CRB2: variants seen among roughly 807,000 people sequenced by gnomAD.
CRB2 encodes the protein protein crumbs homolog 2.
A neutral mutation model predicts 110.9 loss-of-function variants in CRB2; 85 were observed. That is an observed-to-expected ratio of 0.77 (90% CI 0.64 to 0.92). CRB2 has a LOEUF of 0.92. Ranked by LOEUF, CRB2 falls within the 40% of genes least tolerant of loss-of-function variation. The pLI, the probability that CRB2 is intolerant of heterozygous loss-of-function variation, is 0.00. For synonymous variants in CRB2, 907 were observed against 831.0 expected, an observed-to-expected ratio of 1.09 and a Z score of -1.57; for missense variants, 1,843 against 1,851.3, an observed-to-expected ratio of 1.00 and a Z score of 0.08.
intron 1 of CRB2, among the ~76,000 whole-genome samples, chr9:123,359,533 C>T (rs2041843249): frequency 2.0e-5 from 3 of 148,652 alleles, no homozygotes; most frequent in Admixed American, 6.8e-5. Flanking sequence ...ACTGTAGCCT[C>T]GACACCCTGG....
At position 123,356,287 on chromosome 9, in the gene CRB2, G is replaced by A. The variant is rs1230905987; in HGVS notation, c.27G>A (p.Pro9=). 6 of 1,537,338 alleles carry A rather than the reference G, an allele frequency of 3.9e-6. No individual in the cohort carries two copies. The highest frequency in any genetic ancestry group is 2.5e-5 in the East Asian group (1 of 40,390). The stretch of plus-strand genomic sequence containing the variant: ...TGGCGCTGGCCAGGCCTGGGACCCC[G>A]GACCCCCAGGCCCTGGCCTCTGTCC... MALARPGT[P]DPQALASVLL... The change falls in exon 1 of 13, where the codon CCG becomes CCA. Residue 9 remains proline, a synonymous_variant. Transcript: ENST00000373631.
intron 2 of CRB2, 137 bp from the exon 3 acceptor site, chr9:123,365,780 C>A: frequency 1.2e-6 from 1 of 809,736 alleles, no homozygotes; most frequent in East Asian, 3.3e-5. Flanking sequence ...TCCCCCACCC[C>A]CCAACCACCA....
intron 12 of CRB2, 32 bp from the exon 13 acceptor site, chr9:123,376,806 G>A (rs746316073): frequency 1.5e-5 from 23 of 1,575,198 alleles, no homozygotes; most frequent in African/African-American, 2.7e-5. Flanking sequence ...CCTTCTCTGC[G>A]GTCTTAGGCC....
intron 4 of CRB2, among the ~76,000 whole-genome samples, chr9:123,366,807 C>T (rs573005872): frequency 2.0e-5 from 3 of 152,058 alleles, no homozygotes; most frequent in South Asian, 4.2e-4. Context: ...AAAAATTAGC[C>T]AAGCATGGTG....
Position 123,356,317 on chromosome 9 carries a change from A to C in CRB2, c.57A>C (p.Leu19=). The change falls in exon 1 of 13, where the codon CTA becomes CTC. Residue 19 remains leucine (L), a synonymous_variant. Transcript: ENST00000373631. ...CCCAGGCCCTGGCCTCTGTCCTGCT[A>C]CTGCTGCTCTGGGCCCCTGCCCTTT... The part of the protein sequence containing the change: ...PDPQALASVL[L]LLLWAPALSL... 1.3e-6 allele frequency: 2 copies of C among 1,547,292 alleles called. No homozygotes were observed. The highest frequency in any genetic ancestry group is 3.9e-5 in the Admixed American group (2 of 50,744).
upstream of CRB2, among the ~76,000 whole-genome samples, chr9:123,355,668 G>T (rs1283798641): frequency 2.0e-5 from 3 of 147,214 alleles, no homozygotes; most frequent in Admixed American, 2.0e-4. Context: ...TGGGGAGGGG[G>T]CGTTGGGCTG....
chr9:123,374,155 G>T (rs2042066846), intron 10 of CRB2: 3 of 682,370 alleles, frequency 4.4e-6, no homozygotes, highest in South Asian at 3.5e-5. Flanking sequence ...GCTGGGAGCC[G>T]CCTGCCGCTT....
chr9:123,368,210 G>T lies in CRB2; in HGVS notation c.1054+524G>T, dbSNP rs183964533. ...TGCCTGCGACACCTCCCTCACACCC[G>T]CCCGCATTCCTGCTGGGGCACACTG... On this transcript the variant is annotated intron_variant, in intron 6 of 12. Transcript: ENST00000373631. 1.8e-3 allele frequency among the ~76,000 whole-genome samples: 281 copies of T among 152,158 alleles called. 1 individual carries two copies. Among genetic ancestry groups the T allele is most frequent in the African/African-American group, 6.6e-3 (274 of 41,526 alleles).
In CRB2 at chr9:123,367,686, G is replaced by A; in HGVS notation, c.1054G>A (p.Gly352Arg). ...GTGTCACTGCCCAGATGGCTACGCA[G>A]GTGTCTGGGGTGGGGTGGGCCCTGG... ...FQCHCPDGYA[G>R]PTCEEDVDEC... Residue 352 changes from glycine to arginine, a missense_variant and splice_region_variant, in exon 6 of 13, where the codon GGG becomes AGG. Physicochemically the swap from Gly to Arg is moderately radical, Grantham distance 125. Transcript: ENST00000373631. 1 of 1,548,278 alleles carries A rather than the reference G, an allele frequency of 6.5e-7. No homozygotes were observed. The highest frequency in any genetic ancestry group is 8.7e-7 in the Non-Finnish European group (1 of 1,145,476).
chr9:123,373,705 CGTGTGT>C lies in CRB2; in HGVS notation c.3176_3181del (p.Val1059_Cys1060del). ...CGATCCTCGGCTGCCGCGGCGCGCC[CGTGTGT>C]GCGCCCTCGCCCTGTCTGCACGACG... On this transcript the variant is annotated inframe_deletion, in exon 10 of 13. Coordinates refer to ENST00000373631, the MANE Select transcript of CRB2 (RefSeq NM_173689.7). The C allele has an allele frequency of 6.6e-7, 1 of 1,508,982 alleles. No individual in the cohort carries two copies. Among genetic ancestry groups the C allele is most frequent in the Non-Finnish European group, 8.8e-7 (1 of 1,140,632 alleles). 93.5% of individuals were successfully genotyped at this position (1,508,982 alleles called of 1,614,324 possible). A position where few individuals can be genotyped will look rare whatever the true frequency, so the allele number is the denominator to read the frequency against.
chr9:123,369,593 TGCTCGGAGGAATGGGAC>T (rs2041984064), intron 6 of CRB2, among the ~76,000 whole-genome samples: 1 of 151,968 alleles, frequency 6.6e-6, no homozygotes, highest in Admixed American at 6.6e-5. Context: ...TTCCAGGAAA[TGCTCGGAGGAATGGGAC>T]GTTCAAGATT....
intron 1 of CRB2, among the ~76,000 whole-genome samples, chr9:123,358,538 C>A (rs1408466231): frequency 2.0e-5 from 3 of 152,228 alleles, no homozygotes; most frequent in African/African-American, 7.2e-5. Flanking sequence ...GGGTGTCTGC[C>A]TCAAGTAAAG....
chr9:123,374,948 C>T (rs1564379217), intron 11 of CRB2, among the ~76,000 whole-genome samples: 1 of 152,098 alleles, frequency 6.6e-6, no homozygotes, highest in Non-Finnish European at 1.5e-5. Context: ...CATAAAAGTG[C>T]AGATTCTGGG....
Position 123,363,167 on chromosome 9 carries a change from C to T in CRB2, c.397C>T (p.His133Tyr). 6.2e-7 allele frequency: 1 copy of T among 1,607,782 alleles called. No individual in the cohort carries two copies. Among genetic ancestry groups the T allele is most frequent in the Non-Finnish European group, 8.5e-7 (1 of 1,177,376 alleles). ...CAACCTGGCCGATCGCTACGAGTGC[C>T]ATTGCCCCCTTGGCTATGCAGGTAA... is the stretch of plus-strand genomic sequence containing the variant. ...CRNLADRYEC[H>Y]CPLGYAGVTC... The change falls in exon 2 of 13, where the codon CAT becomes TAT. Residue 133 changes from histidine to tyrosine, a missense_variant. His to Tyr is a moderately conservative substitution (Grantham distance 83). Coordinates refer to ENST00000373631, the MANE Select transcript of CRB2 (RefSeq NM_173689.7).
rs751212786 is a variant in CRB2 at position 123,363,041 on chromosome 9, G to A, written c.271G>A (p.Gly91Ser). The A allele has an allele frequency of 1.4e-5, 23 of 1,611,838 alleles. No homozygotes were observed. Among genetic ancestry groups the A allele is most frequent in the Admixed American group, 1.7e-5 (1 of 60,000 alleles). Reference sequence around the variant, plus strand: ...TGTGCCCCAGGGTCCAGATCCCACCGGCTTCCGCTGCTACTGCGTGCCGGG... The same window carrying A: ...TGTGCCCCAGGGTCCAGATCCCACCAGCTTCCGCTGCTACTGCGTGCCGGG... Reference protein sequence around the residue: ...LCVPQGPDPTGFRCYCVPGFQ... With the variant: ...LCVPQGPDPTSFRCYCVPGFQ... Residue 91 changes from glycine (G) to serine (S), a missense_variant, in exon 2 of 13, where the codon GGC becomes AGC. By Grantham distance (56) the Gly-to-Ser change is moderately conservative. Coordinates refer to ENST00000373631, the MANE Select transcript of CRB2 (RefSeq NM_173689.7).
rs1025516572 is a variant in CRB2 at position 123,372,107 on chromosome 9, T to A, written c.2437-70T>A. 5 of 1,504,456 alleles carry A rather than the reference T, an allele frequency of 3.3e-6. No homozygotes were observed. In the African/African-American group the frequency reaches 5.5e-5, roughly 17 times the overall value. 93.2% of individuals were successfully genotyped at this position (1,504,456 alleles called of 1,614,324 possible). ...TAGTAGGTGCTCAGCGAAGAAGCAC[T>A]GCAATGCCAGTTATGGTGGGTGATG... On this transcript the variant is annotated intron_variant, in intron 8 of 12. Coordinates refer to ENST00000373631, the MANE Select transcript of CRB2 (RefSeq NM_173689.7).
Position 123,356,328 on chromosome 9 carries a change from G to T in CRB2, c.68G>T (p.Trp23Leu). 1 of 1,547,728 alleles carries T rather than the reference G, an allele frequency of 6.5e-7. No homozygotes were observed. The change falls in exon 1 of 13, where the codon TGG (tryptophan) becomes TTG (leucine). Residue 23 changes from tryptophan to leucine, a missense_variant. By Grantham distance (61) the Trp-to-Leu change is moderately conservative. Coordinates refer to ENST00000373631, the MANE Select transcript of CRB2 (RefSeq NM_173689.7). ...ALASVLLLLL[W>L]APALSLLAGT... ...GCCTCTGTCCTGCTACTGCTGCTCT[G>T]GGCCCCTGCCCTTTCCCTCCTGGCT...
In CRB2 at chr9:123,373,459, G is replaced by A. The variant is rs910601450; in HGVS notation, c.2928G>A (p.Trp976Ter). 8 of 1,454,818 alleles carry A rather than the reference G, an allele frequency of 5.5e-6. No homozygotes were observed. The highest frequency in any genetic ancestry group is 2.6e-5 in the Admixed American group (1 of 38,340). The allele number at this position is 1,454,818 out of a possible 1,614,324, so 90.1% of individuals were successfully genotyped here. ...CCACCACCTCGCGCTGGCTGCTGTGGCTGGATGGTGCCGCCACCCCGGTGG... is the reference window on the plus strand; with the variant it reads ...CCACCACCTCGCGCTGGCTGCTGTGACTGGATGGTGCCGCCACCCCGGTGG... ...PAATTSRWLLWLDGAATPVAL... is the reference protein window; with the variant it reads ...PAATTSRWLL Residue 976 changes from tryptophan to a stop codon, truncating the protein, a stop_gained, in exon 10 of 13, where the codon TGG (tryptophan) becomes TGA (stop). Coordinates refer to ENST00000373631, the MANE Select transcript of CRB2 (RefSeq NM_173689.7). LOFTEE classifies it high-confidence loss of function.
In CRB2 at chr9:123,373,330, G is replaced by A. The variant is rs370413620; in HGVS notation, c.2799G>A (p.Val933=). The stretch of plus-strand genomic sequence containing the variant: ...GCAATGGCTCGCTGGCGGGGGGCGT[G>A]CGCGGAGGCCATGGCCTGCCCGGCG... The part of the protein sequence containing the change: ...AVRNGSLAGG[V]RGGHGLPGAV... Residue 933 remains valine (V), a synonymous_variant, in exon 10 of 13, where the codon GTG becomes GTA. Transcript: ENST00000373631. 2.0e-5 allele frequency: 29 copies of A among 1,444,784 alleles called. No homozygotes were observed. In the East Asian group the frequency reaches 3.6e-4, roughly 18 times the overall value. 89.5% of individuals were successfully genotyped at this position (1,444,784 alleles called of 1,614,324 possible).
Sources: allele counts gnomAD v4.1 joint callset (sites outside exome capture counted in the v4.1 genomes callset), GRCh38; gene constraint gnomAD v4.1.1; transcripts MANE v1.5; gene names NCBI Gene and HGNC (gene_info 2026-07-23, HGNC 2026-07-21).